The following ZFP2 variants were observed in gnomAD, a reference collection of about 807,000 sequenced individuals.
The protein encoded by ZFP2 is ZFP2 zinc finger protein.
In ZFP2, 33 loss-of-function variants were observed where a neutral mutation model predicts 36.1. The observed-to-expected ratio is 0.92, with a 90% CI of 0.69 to 1.22. The LOEUF is 1.22. Among genes scored for constraint, ZFP2 ranks in the 50% most tolerant of loss-of-function variants. The pLI, the probability that ZFP2 is intolerant of heterozygous loss-of-function variation, is 0.00. For missense variants in ZFP2, 522 were observed against 551.4 expected (o/e 0.95, Z 0.53); for synonymous variants, 170 against 178.0 (o/e 0.96, Z 0.36).
chr5:178,924,079 G>T (rs567852414), intron 4 of ZFP2, among the ~76,000 whole-genome samples: 1 of 149,148 alleles, frequency 6.7e-6, no homozygotes, highest in South Asian at 2.1e-4. Flanking sequence ...GCACAGAGAG[G>T]TTAAGAAACC....
At chr5:178,898,380 CAT>C in intron 1 of ZFP2, among the ~76,000 whole-genome samples, 1 of 152,336 alleles carries the variant, frequency 6.6e-6, no homozygotes, top group East Asian at 1.9e-4. Flanking sequence ...TATATTGAGA[CAT>C]ATTGTGCAAG....
chr5:178,924,259 G>A (rs1758617121), intron 4 of ZFP2, among the ~76,000 whole-genome samples: 1 of 147,748 alleles, frequency 6.8e-6, no homozygotes, highest in Admixed American at 6.8e-5. Context: ...TATAGTCCCA[G>A]CTACTCGGGA....
rs774327422 is a variant in ZFP2 at position 178,931,910 on chromosome 5, A to G, written c.597A>G (p.Ser199=). 10 of 1,613,984 alleles carry G rather than the reference A, an allele frequency of 6.2e-6. No homozygotes were observed. In the Admixed American group the frequency reaches 8.3e-5, roughly 13 times the overall value. ...GTGGCAAAGCCTTCCATAAGAATTC[A>G]TCTCTTATTCAGCATGAAAGGATTC... ...KECGKAFHKN[S]SLIQHERIHT... Residue 199 remains serine (S), a synonymous_variant, in exon 5 of 5, where the codon TCA becomes TCG. Coordinates refer to ENST00000361362, the MANE Select transcript of ZFP2 (RefSeq NM_030613.4).
intron 1 of ZFP2, among the ~76,000 whole-genome samples, chr5:178,897,720 T>C (rs1757971303): frequency 6.6e-6 from 1 of 152,228 alleles, no homozygotes; most frequent in Non-Finnish European, 1.5e-5. Flanking sequence ...ATTTGTTCCA[T>C]TGATGCTTTT....
intron 1 of ZFP2, chr5:178,910,412 T>G (rs778378940): frequency 4.2e-5 from 35 of 833,336 alleles, no homozygotes; most frequent in Non-Finnish European, 6.9e-5. Flanking sequence ...CTGAGGATGT[T>G]GGCAGCTGGC....
At chr5:178,923,603 GC>G (rs1374706912) in intron 4 of ZFP2, among the ~76,000 whole-genome samples, 1 of 149,320 alleles carries the variant, frequency 6.7e-6, no homozygotes, top group Non-Finnish European at 1.5e-5. Flanking sequence ...ACTGTGTTTT[GC>G]CTTTCTCTGC....
In ZFP2 at chr5:178,931,385, A is replaced by G. The variant is rs375680970; in HGVS notation, c.72A>G (p.Gln24=). 6.2e-7 allele frequency: 1 copy of G among 1,614,120 alleles called. No homozygotes were observed. The highest frequency in any genetic ancestry group is 1.7e-5 in the Admixed American group (1 of 60,020). Residue 24 remains glutamine (Q), a synonymous_variant, in exon 5 of 5, where the codon CAA becomes CAG. Transcript: ENST00000361362. ...AACCTAATAATTGGTTAGAGGGACA[A>G]CAGGATAGTCATCTGAGCCAAGTGG... is the stretch of plus-strand genomic sequence containing the variant. The part of the protein sequence containing the change: ...TWEPNNWLEG[Q]QDSHLSQVGV...
In ZFP2 at chr5:178,904,004, GAAA is replaced by G. The variant is rs200657757; in HGVS notation, c.-450+8038_-450+8040del. Among the ~76,000 whole-genome samples the G allele has an allele frequency of 7.6e-4, 107 of 140,260 alleles. 2 individuals carry two copies. The East Asian group carries it at 0.017, about 22-fold the overall frequency. The allele number at this position is 140,260 out of a possible 152,430, so 92.0% of individuals were successfully genotyped here. ...GACTCCATCTCCAAAAAAGAAAAAA[GAAA>G]AAAAAAAGAAAAGTTTTCTGTACCC... On this transcript the variant is annotated intron_variant, in intron 1 of 4. Transcript: ENST00000361362.
chr5:178,915,318 CTTTCT>C (rs1284785356), intron 3 of ZFP2, among the ~76,000 whole-genome samples: 4 of 112,554 alleles, frequency 3.6e-5, no homozygotes, highest in African/African-American at 1.3e-4. Context: ...AAAGGTTTTT[CTTTCT>C]TTTTTTTTTT....
At chr5:178,913,534 C>G (rs190367911) in intron 3 of ZFP2, among the ~76,000 whole-genome samples, 17 of 152,300 alleles carry the variant, frequency 1.1e-4, no homozygotes, top group Admixed American at 9.8e-4. Context: ...TCTTCCTCTG[C>G]ATTGTGTGAG....
At chr5:178,926,540 G>GC (rs1451008165) in intron 4 of ZFP2, among the ~76,000 whole-genome samples, 1 of 148,422 alleles carries the variant, frequency 6.7e-6, no homozygotes, top group Non-Finnish European at 1.5e-5. Flanking sequence ...TTTTTGAGAT[G>GC]GAGTCTCGCT....
chr5:178,904,755 T>G (rs1252981909), intron 1 of ZFP2, among the ~76,000 whole-genome samples: 2 of 137,488 alleles, frequency 1.5e-5, no homozygotes, highest in Non-Finnish European at 3.0e-5. Context: ...CAGGCTGGAG[T>G]GCAATGGCAT....
chr5:178,915,339 T>C lies in ZFP2; in HGVS notation c.-223-1226T>C, dbSNP rs967234141. 1.4e-4 allele frequency among the ~76,000 whole-genome samples: 20 copies of C among 144,692 alleles called. No individual in the cohort carries two copies. The South Asian group carries it at 4.6e-3, about 33-fold the overall frequency. The allele number at this position is 144,692 out of a possible 152,430, so 94.9% of individuals were successfully genotyped here. A position where few individuals can be genotyped will look rare whatever the true frequency, so the allele number is the denominator to read the frequency against. On this transcript the variant is annotated intron_variant, in intron 3 of 4. Coordinates refer to ENST00000361362, the MANE Select transcript of ZFP2 (RefSeq NM_030613.4). ...TTTTCTTTCTTTTTTTTTTTTTTTT[T>C]TTTTTTGAGATGGAGTCAGGCTGGA...
intron 1 of ZFP2, among the ~76,000 whole-genome samples, chr5:178,898,942 A>G (rs1757992699): frequency 6.6e-6 from 1 of 152,124 alleles, no homozygotes. Flanking sequence ...GCTCTCAGGG[A>G]TCATAAAAGA....
intron 1 of ZFP2, chr5:178,909,664 G>A (rs1663226510): frequency 2.1e-6 from 3 of 1,451,374 alleles, no homozygotes; most frequent in Non-Finnish European, 2.7e-6. Flanking sequence ...GTTGGCTGCA[G>A]GGCAGCGGGC....
Position 178,932,369 on chromosome 5 carries a change from A to G in ZFP2, c.1056A>G (p.Lys352=), listed in dbSNP as rs1451408490. ...ATCGGAGAATTCACACTGGAGAGAAACCTTATGAGTGTATGGTGTGTGGAA... is the reference window on the plus strand; with the variant it reads ...ATCGGAGAATTCACACTGGAGAGAAGCCTTATGAGTGTATGGTGTGTGGAA... The part of the protein sequence containing the change: ...TQHRRIHTGE[K]PYECMVCGKH... The change falls in exon 5 of 5, where the codon AAA becomes AAG. Residue 352 remains lysine (K), a synonymous_variant. Transcript: ENST00000361362. 6.2e-7 allele frequency: 1 copy of G among 1,614,174 alleles called. No individual in the cohort carries two copies. The highest frequency in any genetic ancestry group is 2.2e-5 in the East Asian group (1 of 44,878).
At chr5:178,925,133 ACACACACAC>A in intron 4 of ZFP2, among the ~76,000 whole-genome samples, 1 of 90,694 alleles carries the variant, frequency 1.1e-5, no homozygotes, top group Middle Eastern at 6.4e-3. Context: ...ATATACACAC[ACACACACAC>A]ACACACACAT....
chr5:178,930,301 T>G (rs1368369717), intron 4 of ZFP2, among the ~76,000 whole-genome samples: 3 of 147,352 alleles, frequency 2.0e-5, no homozygotes, highest in African/African-American at 7.4e-5. Flanking sequence ...TTCTTTCTTT[T>G]TTTTTCCCTT....
At chr5:178,898,247 A>G (rs1442605629) in intron 1 of ZFP2, among the ~76,000 whole-genome samples, 1 of 152,188 alleles carries the variant, frequency 6.6e-6, no homozygotes. Context: ...TGGCCTCCCA[A>G]AGTGCTGGGA....
Sources: gnomAD v4.1 joint callset for allele counts (sites outside exome capture counted in the v4.1 genomes callset) on GRCh38, gnomAD v4.1.1 for gene constraint, MANE v1.5 for transcripts, NCBI Gene and HGNC (gene_info 2026-07-23, HGNC 2026-07-21) for gene names.